Variants in EEFSEC observed in about 807,000 individuals in gnomAD.
EEFSEC encodes the protein selenocysteine-specific elongation factor.
In EEFSEC, 43 loss-of-function variants were observed where a neutral mutation model predicts 42.1. The observed-to-expected ratio is 1.02, with a 90% CI of 0.80 to 1.32. The LOEUF (loss-of-function observed/expected upper bound fraction) is 1.32. EEFSEC is among the 40% of genes most tolerant of loss of function. The pLI, the probability that EEFSEC is intolerant of heterozygous loss-of-function variation, is 0.00. For missense variants in EEFSEC, 745 were observed against 803.6 expected (o/e 0.93, Z 0.88); for synonymous variants, 354 against 339.1 (o/e 1.04, Z -0.48).
chr3:128,375,399 A>T (rs902036586), intron 6 of EEFSEC, among the ~76,000 whole-genome samples: 1 of 152,138 alleles, frequency 6.6e-6, no homozygotes, highest in Non-Finnish European at 1.5e-5. Context: ...CACCCTCGCC[A>T]TGGGCACAAA....
intron 4 of EEFSEC, among the ~76,000 whole-genome samples, chr3:128,319,926 G>A (rs377136673): frequency 7.9e-5 from 12 of 152,242 alleles, no homozygotes; most frequent in Non-Finnish European, 1.2e-4. Context: ...GGCCCCTGGC[G>A]TGTGTACAGC....
chr3:128,237,825 G>A (rs2066028879), intron 1 of EEFSEC, among the ~76,000 whole-genome samples: 1 of 152,110 alleles, frequency 6.6e-6, no homozygotes, highest in South Asian at 2.1e-4. Context: ...CTTTCTTCAG[G>A]TGGTGATGAA....
chr3:128,260,380 G>A (rs2066285245), intron 2 of EEFSEC, among the ~76,000 whole-genome samples: 1 of 152,164 alleles, frequency 6.6e-6, no homozygotes, highest in Non-Finnish European at 1.5e-5. Context: ...TCTTGAAAGT[G>A]TAGATATTTT....
At chr3:128,396,874 G>A (rs1305050556) in intron 6 of EEFSEC, among the ~76,000 whole-genome samples, 4 of 152,172 alleles carry the variant, frequency 2.6e-5, no homozygotes, top group African/African-American at 9.7e-5. Context: ...CCCATTTTTG[G>A]GCATTTTGGG....
At chr3:128,362,209 G>T (rs1478670780) in intron 6 of EEFSEC, 1 of 526,856 alleles carries the variant, frequency 1.9e-6, no homozygotes, top group East Asian at 5.5e-5. Flanking sequence ...AGTGTGCCAG[G>T]CATCAGCACT....
chr3:128,275,513 C>A (rs2066458702), intron 4 of EEFSEC, among the ~76,000 whole-genome samples: 1 of 152,172 alleles, frequency 6.6e-6, no homozygotes, highest in Admixed American at 6.5e-5. Context: ...GTATCAGAGC[C>A]CAAGCTGGCC....
intron 1 of EEFSEC, among the ~76,000 whole-genome samples, chr3:128,205,948 G>T (rs560274506): frequency 7.9e-5 from 12 of 152,334 alleles, no homozygotes; most frequent in Admixed American, 6.5e-4. Flanking sequence ...GGTGTGCCAA[G>T]TGTAGCAACC....
chr3:128,308,047 G>C (rs932107892), intron 4 of EEFSEC, among the ~76,000 whole-genome samples: 2 of 152,248 alleles, frequency 1.3e-5, no homozygotes, highest in African/African-American at 4.8e-5. Context: ...AAGGGTGAAA[G>C]ACTAAGTAGT....
At chr3:128,322,939 C>T (rs1220954929) in intron 4 of EEFSEC, among the ~76,000 whole-genome samples, 1 of 152,222 alleles carries the variant, frequency 6.6e-6, no homozygotes, top group East Asian at 1.9e-4. Context: ...TTGGTGGGGG[C>T]TGCTTTTCTA....
intron 5 of EEFSEC, 60 bp downstream of exon 5, chr3:128,341,949 C>A (rs1014510611): frequency 6.4e-7 from 1 of 1,555,818 alleles, no homozygotes; most frequent in South Asian, 1.2e-5. Context: ...AGCTGGGATC[C>A]ATGGCCTGAC....
chr3:128,398,381 G>A (rs574117370), intron 6 of EEFSEC, among the ~76,000 whole-genome samples: 1 of 152,204 alleles, frequency 6.6e-6, no homozygotes, highest in African/African-American at 2.4e-5. Flanking sequence ...GATGGAAGAG[G>A]AATGTGTGGT....
intron 6 of EEFSEC, among the ~76,000 whole-genome samples, chr3:128,407,443 A>G (rs2068130436): frequency 6.6e-6 from 1 of 152,178 alleles, no homozygotes; most frequent in Non-Finnish European, 1.5e-5. Flanking sequence ...CACTGTGAGA[A>G]TGGCGTGGGG....
chr3:128,243,053 AAG>A (rs754478001), intron 1 of EEFSEC, among the ~76,000 whole-genome samples: 4 of 152,200 alleles, frequency 2.6e-5, no homozygotes, highest in Non-Finnish European at 5.9e-5. Context: ...GAAGAAAAGA[AAG>A]TAACTGAGAG....
rs77412006 is a variant in EEFSEC, at chr3:128,172,143, C to T, written c.316+18320C>T. On this transcript the variant is annotated intron_variant, in intron 1 of 6. Coordinates refer to ENST00000254730, the MANE Select transcript of EEFSEC (RefSeq NM_021937.5). ...CTGTCCCACCAGATTCCAGCCTATG[C>T]AAGAATTGGGATCTCATATCTTTCT... is the stretch of plus-strand genomic sequence containing the variant. Among the ~76,000 whole-genome samples, 7 of 152,306 alleles carry T rather than the reference C, an allele frequency of 4.6e-5. No individual in the cohort carries two copies. In the East Asian group the frequency reaches 1.4e-3, roughly 29 times the overall value.
chr3:128,159,608 T>C (rs1406907223), intron 1 of EEFSEC, among the ~76,000 whole-genome samples: 1 of 152,206 alleles, frequency 6.6e-6, no homozygotes, highest in Non-Finnish European at 1.5e-5. Context: ...TCTGCTTTCC[T>C]CTGATCCCAT....
At chr3:128,315,219 T>C (rs1236496679) in intron 4 of EEFSEC, among the ~76,000 whole-genome samples, 1 of 152,180 alleles carries the variant, frequency 6.6e-6, no homozygotes, top group Non-Finnish European at 1.5e-5. Flanking sequence ...CCTGCCTCAT[T>C]GGTAGTGGAG....
chr3:128,282,190 T>G (rs1281109866), intron 4 of EEFSEC, among the ~76,000 whole-genome samples: 2 of 152,220 alleles, frequency 1.3e-5, no homozygotes, highest in Admixed American at 6.5e-5. Context: ...GACCCCGACT[T>G]GGTCTAACCC....
At chr3:128,345,972 A>C (rs1353325190) in intron 5 of EEFSEC, among the ~76,000 whole-genome samples, 1 of 148,058 alleles carries the variant, frequency 6.8e-6, no homozygotes, top group Non-Finnish European at 1.5e-5. Flanking sequence ...AGACATTTTC[A>C]GGTTATAATA....
At chr3:128,327,662 G>A (rs2108049659) in intron 4 of EEFSEC, among the ~76,000 whole-genome samples, 1 of 152,312 alleles carries the variant, frequency 6.6e-6, no homozygotes, top group South Asian at 2.1e-4. Context: ...CAGTAGGGCA[G>A]AGGCAGGGAG....
Sources: gnomAD v4.1 joint callset for allele counts (sites outside exome capture counted in the v4.1 genomes callset) on GRCh38, gnomAD v4.1.1 for gene constraint, MANE v1.5 for transcripts, NCBI Gene and HGNC (gene_info 2026-07-23, HGNC 2026-07-21) for gene names.